Variants in GRIK3 observed in about 807,000 individuals in gnomAD.
The protein encoded by GRIK3 is glutamate ionotropic receptor kainate type subunit 3, also known as glutamate receptor ionotropic, kainate 3.
Under a neutral mutation model 102.5 loss-of-function variants are expected in GRIK3, and 29 were observed. The observed-to-expected ratio is 0.28, with a 90% CI of 0.21 to 0.39. The LOEUF is 0.39. Among genes scored for constraint, GRIK3 ranks in the 10% least tolerant of loss-of-function variants. The probability of loss-of-function intolerance (pLI) is 1.00; values close to 1 mark genes in which losing one functional copy is unlikely to be tolerated. For synonymous variants in GRIK3, 511 were observed against 504.9 expected, an observed-to-expected ratio of 1.01 and a Z score of -0.16; for missense variants, 908 against 1,252.4, an observed-to-expected ratio of 0.73 and a Z score of 4.15.
At chr1:36,975,574 T>C (rs557360521) in intron 1 of GRIK3, among the ~76,000 whole-genome samples, 1 of 152,346 alleles carries the variant, frequency 6.6e-6, no homozygotes, top group Admixed American at 6.5e-5. Flanking sequence ...ATTATAGGCA[T>C]GAGCCACTGC....
At chr1:37,023,389 G>A (rs983231711) in intron 1 of GRIK3, among the ~76,000 whole-genome samples, 15 of 152,054 alleles carry the variant, frequency 9.9e-5, no homozygotes, top group African/African-American at 3.6e-4. Context: ...CAGAGTCCCA[G>A]AGTGTGGGGG....
chr1:37,001,292 C>G (rs1190119926), intron 1 of GRIK3, among the ~76,000 whole-genome samples: 1 of 152,200 alleles, frequency 6.6e-6, no homozygotes, highest in African/African-American at 2.4e-5. Flanking sequence ...AAAGAATAGT[C>G]TGAGATCAAT....
chr1:36,918,776 G>A (rs1168511680), intron 1 of GRIK3, among the ~76,000 whole-genome samples: 2 of 152,156 alleles, frequency 1.3e-5, no homozygotes, highest in African/African-American at 4.8e-5. Flanking sequence ...GCCTAGTCTT[G>A]CACAGTGCCT....
At chr1:36,968,149 T>C (rs1642099093) in intron 1 of GRIK3, among the ~76,000 whole-genome samples, 1 of 152,036 alleles carries the variant, frequency 6.6e-6, no homozygotes, top group Non-Finnish European at 1.5e-5. Context: ...TTACCATGAG[T>C]GATGGGAGCA....
rs534332577 is a variant in GRIK3 at position 36,865,016 on chromosome 1, A to C, written c.786+4732T>G. Among the ~76,000 whole-genome samples the C allele has an allele frequency of 9.2e-5, 14 of 152,292 alleles. No individual in the cohort carries two copies. In the South Asian group the frequency reaches 2.7e-3, roughly 29 times the overall value. The stretch of plus-strand genomic sequence containing the variant: ...TTAGAAACATTCAGCATAACATAAT[A>C]AACTAATTCATTAGCACCCCATGGG... On this transcript the variant is annotated intron_variant, in intron 5 of 15. Coordinates refer to ENST00000373091, the MANE Select transcript of GRIK3 (RefSeq NM_000831.4).
intron 1 of GRIK3, among the ~76,000 whole-genome samples, chr1:37,021,127 T>TGAGAGAGAGA (rs5773568): frequency 6.9e-6 from 1 of 145,206 alleles, no homozygotes; most frequent in Admixed American, 6.9e-5. Flanking sequence ...TGTGTGTCTG[T>TGAGAGAGAGA]GAGAGAGAGA....
chr1:36,885,713 G>A (rs1641030576), intron 2 of GRIK3, among the ~76,000 whole-genome samples: 1 of 152,062 alleles, frequency 6.6e-6, no homozygotes. Flanking sequence ...ACAGGGACCA[G>A]GGCAGGGCTT....
intron 1 of GRIK3, among the ~76,000 whole-genome samples, chr1:36,935,183 C>T (rs1641641360): frequency 6.6e-6 from 1 of 152,178 alleles, no homozygotes; most frequent in Admixed American, 6.5e-5. Context: ...TTATTCACCA[C>T]TGTACACCCA....
Position 36,850,405 on chromosome 1 carries a change from G to T in GRIK3, c.1232C>A (p.Ala411Asp). ...GLEKVGVWSP[A>D]DGLNITEVAK... The stretch of plus-strand genomic sequence containing the variant: ...AACCTCAGTGATGTTGAGCCCGTCG[G>T]CAGGACTCCACACCCCAACCTGGAT... The change falls in exon 9 of 16, where the codon GCC (alanine) becomes GAC (aspartate). Residue 411 changes from alanine (A) to aspartate (D), a missense_variant. Ala to Asp is a moderately radical substitution (Grantham distance 126). Coordinates refer to ENST00000373091, the MANE Select transcript of GRIK3 (RefSeq NM_000831.4). This position sits in a 1 kb window ranked among gnomAD's most constrained non-coding sequence, Gnocchi z 4.0. 3 of 1,612,224 alleles carry T rather than the reference G, an allele frequency of 1.9e-6. No homozygotes were observed. Among genetic ancestry groups the T allele is most frequent in the Non-Finnish European group, 2.5e-6 (3 of 1,178,248 alleles).
At chr1:36,986,783 TC>T (rs1224308947) in intron 1 of GRIK3, among the ~76,000 whole-genome samples, 1 of 152,158 alleles carries the variant, frequency 6.6e-6, no homozygotes, top group Admixed American at 6.5e-5. Flanking sequence ...GTGGCAGTCT[TC>T]CAGCCAGAGT....
At position 36,796,631 on chromosome 1, in the gene GRIK3, A is replaced by G. The variant is rs564965262; in HGVS notation, c.*5220T>C. ...AGTAACAGGGGCATGGGAACACTGT[A>G]TCGGCATGCTGGCCATGCCCTGGGG... On this transcript the variant is annotated 3_prime_UTR_variant, in exon 16 of 16. Transcript: ENST00000373091. The G allele has an allele frequency of 6.6e-6, 1 of 152,392 alleles. No homozygotes were observed. Among genetic ancestry groups the G allele is most frequent in the African/African-American group, 2.4e-5 (1 of 41,576 alleles). The allele number at this position is 152,392 out of a possible 1,614,324, so 9.4% of individuals were successfully genotyped here.
At chr1:36,900,910 G>T (rs1641227054) in intron 1 of GRIK3, among the ~76,000 whole-genome samples, 1 of 151,802 alleles carries the variant, frequency 6.6e-6, no homozygotes, top group Admixed American at 6.6e-5. Context: ...AGATTATCGA[G>T]GAATATTAAT....
At chr1:36,984,775 G>A (rs1435183893) in intron 1 of GRIK3, among the ~76,000 whole-genome samples, 1 of 152,218 alleles carries the variant, frequency 6.6e-6, no homozygotes, top group African/African-American at 2.4e-5. Context: ...ATCTGACCAC[G>A]TGGGCTGTGA....
At chr1:36,842,170 T>G (rs1462421281) in intron 9 of GRIK3, among the ~76,000 whole-genome samples, 1 of 152,174 alleles carries the variant, frequency 6.6e-6, no homozygotes, top group Non-Finnish European at 1.5e-5. Context: ...AGGCACTTAC[T>G]GATTTAATGG....
Position 36,809,595 on chromosome 1 carries a change from T to C in GRIK3, c.2092-3269A>G, listed in dbSNP as rs368695051. Among the ~76,000 whole-genome samples, 164 of 152,330 alleles carry C rather than the reference T, an allele frequency of 1.1e-3. 1 individual carries two copies. The highest frequency in any genetic ancestry group is 3.8e-3 in the African/African-American group (156 of 41,578). On this transcript the variant is annotated intron_variant, in intron 13 of 15. Coordinates refer to ENST00000373091, the MANE Select transcript of GRIK3 (RefSeq NM_000831.4). ...GAATGGGATAAGCACTTCTTCTCTT[T>C]CTCTAAACTCCTCCTTGTATCCTCC... is the stretch of plus-strand genomic sequence containing the variant.
Position 36,850,423 on chromosome 1 carries a change from A to G in GRIK3, c.1214T>C (p.Val405Ala), listed in dbSNP as rs769112749. The change falls in exon 9 of 16, where the codon GTT becomes GCT. Residue 405 changes from valine (V) to alanine (A), a missense_variant and splice_region_variant. By Grantham distance (64) the Val-to-Ala change is moderately conservative. Transcript: ENST00000373091. This position sits in a 1 kb window ranked among gnomAD's most constrained non-coding sequence, Gnocchi z 4.0. Reference protein sequence around the residue: ...ISLKEDGLEKVGVWSPADGLN... With the variant: ...ISLKEDGLEKAGVWSPADGLN... ...CCCGTCGGCAGGACTCCACACCCCA[A>G]CCTGGATGGACACAGACAGAAAACA... 6.3e-7 allele frequency: 1 copy of G among 1,591,640 alleles called. No individual in the cohort carries two copies. Among genetic ancestry groups the G allele is most frequent in the Non-Finnish European group, 8.6e-7 (1 of 1,159,674 alleles).
intron 11 of GRIK3, among the ~76,000 whole-genome samples, chr1:36,823,875 A>G (rs1642723529): frequency 6.6e-6 from 1 of 152,152 alleles, no homozygotes; most frequent in Admixed American, 6.5e-5. Flanking sequence ...TGTCAAAGAA[A>G]AGCTTTCTGA....
Position 36,819,036 on chromosome 1 carries a change from A to T in GRIK3, c.1873+700T>A. Among the ~76,000 whole-genome samples the T allele has an allele frequency of 6.6e-6, 1 of 152,168 alleles. No homozygotes were observed. On this transcript the variant is annotated intron_variant, in intron 12 of 15. Transcript: ENST00000373091. This position sits in a 1 kb window ranked among gnomAD's most constrained non-coding sequence, Gnocchi z 4.1. ...CCCTCCTGCTCCCTGCTGTCTCTGC[A>T]TCTGACTCCTGGCAGTTAGAGCAGG...
intron 1 of GRIK3, among the ~76,000 whole-genome samples, chr1:37,023,761 A>G (rs1337630577): frequency 6.6e-6 from 1 of 152,218 alleles, no homozygotes; most frequent in Non-Finnish European, 1.5e-5. Flanking sequence ...TCCCAACCCC[A>G]ACCATACTAT....
Sources: gnomAD v4.1 joint callset for allele counts (sites outside exome capture counted in the v4.1 genomes callset) on GRCh38, gnomAD v4.1.1 for gene constraint, Gnocchi (gnomAD v3.1) non-coding constraint, MANE v1.5 for transcripts, NCBI Gene and HGNC (gene_info 2026-07-23, HGNC 2026-07-21) for gene names.